Variants in WDR36 observed in about 807,000 individuals in gnomAD.
WDR36 encodes WD repeat domain 36, also known as WD repeat-containing protein 36.
Under a neutral mutation model 112.7 loss-of-function variants are expected in WDR36, and 63 were observed. The observed-to-expected ratio is 0.56, with a 90% CI of 0.46 to 0.69. The LOEUF is 0.69. Among genes scored for constraint, WDR36 ranks in the 30% least tolerant of loss-of-function variants. The probability of loss-of-function intolerance (pLI) is 0.00; values close to 1 mark genes in which losing one functional copy is unlikely to be tolerated. For missense variants in WDR36, 1,226 were observed against 1,070.3 expected (o/e 1.15, Z -2.03); for synonymous variants, 410 against 362.2 (o/e 1.13, Z -1.50).
chr5:111,120,973 T>A, intron 18 of WDR36, 23 bp from the exon 19 acceptor site: 2 of 1,600,488 alleles, frequency 1.2e-6, no homozygotes, highest in Non-Finnish European at 1.7e-6. Context: ...AATCTTTTGT[T>A]TTACCTGAAA....
chr5:111,100,502 T>C lies in WDR36; in HGVS notation c.410-87T>C, dbSNP rs1404325468. 3 of 887,788 alleles carry C rather than the reference T, an allele frequency of 3.4e-6. No homozygotes were observed. In the African/African-American group the frequency reaches 5.1e-5, roughly 15 times the overall value. 55.0% of individuals were successfully genotyped at this position (887,788 alleles called of 1,614,324 possible). A position where few individuals can be genotyped will look rare whatever the true frequency, so the allele number is the denominator to read the frequency against. ...TTTAACATATAAATCTTTGATGTGATAGACTTACTTTAAGTGATAAATATA... is the reference window on the plus strand; with the variant it reads ...TTTAACATATAAATCTTTGATGTGACAGACTTACTTTAAGTGATAAATATA... On this transcript the variant is annotated intron_variant, in intron 4 of 22. Coordinates refer to ENST00000513710, the MANE Select transcript of WDR36 (RefSeq NM_139281.3).
In WDR36 at chr5:111,100,631, T is replaced by G. The variant is rs558698458; in HGVS notation, c.452T>G (p.Ile151Ser). The change falls in exon 5 of 23, where the codon ATT (isoleucine) becomes AGT (serine). Residue 151 changes from isoleucine to serine, a missense_variant. By Grantham distance (142) the Ile-to-Ser change is moderately radical. Transcript: ENST00000513710. ...ACTTTTGATAAATCAGTATTTAAAA[T>G]TTCTGCAATTTTGCATCCAAGTACC... is the stretch of plus-strand genomic sequence containing the variant. ...QLTFDKSVFK[I>S]SAILHPSTYL... 1.2e-6 allele frequency: 2 copies of G among 1,601,964 alleles called. No individual in the cohort carries two copies. Among genetic ancestry groups the G allele is most frequent in the Admixed American group, 1.7e-5 (1 of 59,510 alleles).
intron 6 of WDR36, 93 bp from the exon 7 acceptor site, chr5:111,103,693 T>G (rs1753165313): frequency 1.3e-6 from 2 of 1,500,948 alleles, no homozygotes; most frequent in Non-Finnish European, 1.8e-6. Context: ...CTTCATTATT[T>G]CTTTTGATAA....
At position 111,100,625 on chromosome 5, in the gene WDR36, T is replaced by G. The variant is rs753308773; in HGVS notation, c.446T>G (p.Phe149Cys). 1 of 1,599,770 alleles carries G rather than the reference T, an allele frequency of 6.3e-7. No individual in the cohort carries two copies. Among genetic ancestry groups the G allele is most frequent in the South Asian group, 1.1e-5 (1 of 88,832 alleles). The change falls in exon 5 of 23, where the codon TTT (phenylalanine) becomes TGT (cysteine). Residue 149 changes from phenylalanine (F) to cysteine (C), a missense_variant. By Grantham distance (205) the Phe-to-Cys change is radical. Coordinates refer to ENST00000513710, the MANE Select transcript of WDR36 (RefSeq NM_139281.3). Reference protein sequence around the residue: ...YLQLTFDKSVFKISAILHPST... With the variant: ...YLQLTFDKSVCKISAILHPST... Reference sequence around the variant, plus strand: ...CAGTTGACTTTTGATAAATCAGTATTTAAAATTTCTGCAATTTTGCATCCA... The same window carrying G: ...CAGTTGACTTTTGATAAATCAGTATGTAAAATTTCTGCAATTTTGCATCCA...
intron 17 of WDR36, 47 bp downstream of exon 17, chr5:111,119,167 T>C (rs763030502): frequency 2.7e-5 from 39 of 1,461,744 alleles, no homozygotes; most frequent in Non-Finnish European, 3.6e-5. Context: ...AAGATTGTAT[T>C]GTCAGAGAGT....
chr5:111,117,917 TTC>T (rs1381686225), intron 16 of WDR36, among the ~76,000 whole-genome samples: 1 of 152,094 alleles, frequency 6.6e-6, no homozygotes, highest in Non-Finnish European at 1.5e-5. Flanking sequence ...GTGTAGGCCT[TTC>T]TCTTTGCTTC....
intron 15 of WDR36, among the ~76,000 whole-genome samples, chr5:111,112,349 C>G (rs1753358950): frequency 6.6e-6 from 1 of 151,978 alleles, no homozygotes; most frequent in African/African-American, 2.4e-5. Context: ...CTGTACCACC[C>G]TTCTGTAAAT....
chr5:111,095,564 A>C (rs370657452), intron 2 of WDR36, among the ~76,000 whole-genome samples: 1 of 152,230 alleles, frequency 6.6e-6, no homozygotes, highest in Non-Finnish European at 1.5e-5. Context: ...CAAAAATTTG[A>C]AACCCAAAAT....
intron 4 of WDR36, among the ~76,000 whole-genome samples, chr5:111,099,145 A>G (rs1187654692): frequency 1.3e-5 from 2 of 152,092 alleles, no homozygotes; most frequent in African/African-American, 2.4e-5. Flanking sequence ...ATGTATTTTC[A>G]TACCTGAGTA....
intron 16 of WDR36, among the ~76,000 whole-genome samples, chr5:111,117,443 C>G (rs974495093): frequency 6.6e-6 from 1 of 152,312 alleles, no homozygotes; most frequent in South Asian, 2.1e-4. Context: ...CCATGAATCA[C>G]TGATGTAGGC....
chr5:111,103,432 C>T (rs1477618432), intron 6 of WDR36, among the ~76,000 whole-genome samples: 4 of 151,726 alleles, frequency 2.6e-5, no homozygotes, highest in Non-Finnish European at 5.9e-5. Flanking sequence ...TTCTAGTTGT[C>T]TCCTTTTTCT....
chr5:111,123,139 T>C (rs1350747607), intron 19 of WDR36, among the ~76,000 whole-genome samples: 1 of 152,118 alleles, frequency 6.6e-6, no homozygotes, highest in African/African-American at 2.4e-5. Flanking sequence ...GATACTGATA[T>C]GTAGCAGTGT....
chr5:111,120,911 T>G, intron 18 of WDR36, 85 bp from the exon 19 acceptor site: 1 of 1,195,430 alleles, frequency 8.4e-7, no homozygotes, highest in Non-Finnish European at 1.2e-6. Flanking sequence ...AATGAACATG[T>G]TATGAAATAC....
intron 16 of WDR36, among the ~76,000 whole-genome samples, chr5:111,117,446 A>T (rs139960860): frequency 2.2e-4 from 34 of 152,272 alleles, no homozygotes; most frequent in Admixed American, 5.9e-4. Flanking sequence ...TGAATCACTG[A>T]TGTAGGCATA....
At chr5:111,093,011 AT>A (rs1752899852) in intron 1 of WDR36, among the ~76,000 whole-genome samples, 1 of 152,270 alleles carries the variant, frequency 6.6e-6, no homozygotes, top group South Asian at 2.1e-4. Context: ...TGAGTTAGAA[AT>A]TCACTCTAGG....
At chr5:111,111,535 G>C (rs1039716666) in intron 15 of WDR36, 2 of 397,870 alleles carry the variant, frequency 5.0e-6, no homozygotes, top group African/African-American at 4.1e-5. Context: ...GTATACTTTA[G>C]AGAATGAATG....
intron 12 of WDR36, among the ~76,000 whole-genome samples, chr5:111,108,022 AAAAG>A (rs1251140583): frequency 6.6e-6 from 1 of 151,340 alleles, no homozygotes; most frequent in Non-Finnish European, 1.5e-5. Flanking sequence ...TTCTGCAAAA[AAAAG>A]CAGCTATGAT....
Position 111,113,057 on chromosome 5 carries a change from T to G in WDR36, c.1717-17T>G. 1 of 784,542 alleles carries G rather than the reference T, an allele frequency of 1.3e-6. No individual in the cohort carries two copies. Among genetic ancestry groups the G allele is most frequent in the African/African-American group, 2.0e-5 (1 of 50,898 alleles). The allele number at this position is 784,542 out of a possible 1,614,324, so 48.6% of individuals were successfully genotyped here. On this transcript the variant is annotated splice_polypyrimidine_tract_variant and intron_variant, in intron 15 of 22. Coordinates refer to ENST00000513710, the MANE Select transcript of WDR36 (RefSeq NM_139281.3). ...AATAATATATATATATATATATTTT[T>G]TTTTTTTAATTTAAAGGCTTTTAGT...
chr5:111,098,855 T>C lies in WDR36; in HGVS notation c.409+16T>C, dbSNP rs1199611528. 5 of 1,465,984 alleles carry C rather than the reference T, an allele frequency of 3.4e-6. No homozygotes were observed. The highest frequency in any genetic ancestry group is 1.1e-5 in the South Asian group (1 of 88,116). 90.8% of individuals were successfully genotyped at this position (1,465,984 alleles called of 1,614,324 possible). The stretch of plus-strand genomic sequence containing the variant: ...TATTCAGAAGGTAAGAGTTAACTCA[T>C]TTATTTGCTTTATCTTAGGGTAGTA... On this transcript the variant is annotated intron_variant, in intron 4 of 22. Transcript: ENST00000513710.
Sources: allele counts gnomAD v4.1 joint callset (sites outside exome capture counted in the v4.1 genomes callset), GRCh38; gene constraint gnomAD v4.1.1; transcripts MANE v1.5; gene names NCBI Gene and HGNC (gene_info 2026-07-23, HGNC 2026-07-21).